Variants in PRSS57 observed in about 807,000 individuals in gnomAD.
PRSS57 encodes the protein serine protease 57, also known as neutrophil serine protease 4.
PRSS57 carries 19 observed loss-of-function variants against 20.6 expected under a neutral mutation model. That is an observed-to-expected ratio of 0.92 (90% CI 0.64 to 1.35). The LOEUF (loss-of-function observed/expected upper bound fraction) is 1.35, where lower values mean the gene tolerates loss of function less well. Ranked by LOEUF, PRSS57 falls within the 40% of genes most tolerant of loss-of-function variation. The pLI is 0.00. For missense variants in PRSS57, 440 were observed against 403.7 expected (o/e 1.09, Z -0.77); for synonymous variants, 203 against 176.6 (o/e 1.15, Z -1.19).
chr19:686,408 A>G (rs181124727), intron 4 of PRSS57, among the ~76,000 whole-genome samples: 2 of 152,070 alleles, frequency 1.3e-5, no homozygotes, highest in Admixed American at 1.3e-4. Context: ...GATACCATCA[A>G]CTGGATACTA....
intron 3 of PRSS57, among the ~76,000 whole-genome samples, chr19:691,368 G>A (rs1243244275): frequency 6.6e-6 from 1 of 151,520 alleles, no homozygotes; most frequent in Non-Finnish European, 1.5e-5. Context: ...AGCCAGGTCT[G>A]GTGGCGAGTG....
At chr19:690,928 C>T in intron 3 of PRSS57, 1 of 464,716 alleles carries the variant, frequency 2.2e-6, no homozygotes, top group South Asian at 1.8e-5. Context: ...CGTCTGGGCG[C>T]CTGTGCTCAA....
At chr19:695,226 G>C in intron 1 of PRSS57, 126 bp downstream of exon 1, 3 of 492,486 alleles carry the variant, frequency 6.1e-6, no homozygotes, top group Non-Finnish European at 9.8e-6. Context: ...AGGCAGCCAC[G>C]GGGGCTCGGC....
At chr19:689,903 A>G (rs1214370503) in intron 3 of PRSS57, among the ~76,000 whole-genome samples, 1 of 152,122 alleles carries the variant, frequency 6.6e-6, no homozygotes, top group Non-Finnish European at 1.5e-5. Flanking sequence ...AAATACAAAA[A>G]TTAGCCAGGT....
chr19:692,563 T>C (rs994499467), intron 2 of PRSS57, among the ~76,000 whole-genome samples: 2 of 150,888 alleles, frequency 1.3e-5, no homozygotes, highest in African/African-American at 4.9e-5. Flanking sequence ...ACTACAGGCG[T>C]GCGCCACCAC....
At position 691,951 on chromosome 19, in the gene PRSS57, C is replaced by G. The variant is rs149163441; in HGVS notation, c.285G>C (p.Ala95=). Residue 95 remains alanine (A), a synonymous_variant, in exon 3 of 5, where the codon GCG becomes GCC. Transcript: ENST00000329267. ...TGCCAAACACCTGCTGGGTGGGCTC[C>G]GCAGTACTCAGGACGTGGGCGCCCA... ...VVLGAHVLST[A]EPTQQVFGID... 172 of 1,331,896 alleles carry G rather than the reference C, an allele frequency of 1.3e-4. No homozygotes were observed. In the African/African-American group the frequency reaches 2.4e-3, roughly 19 times the overall value. The allele number at this position is 1,331,896 out of a possible 1,614,324, so 82.5% of individuals were successfully genotyped here. A position where few individuals can be genotyped will look rare whatever the true frequency, so the allele number is the denominator to read the frequency against.
intron 1 of PRSS57, 38 bp from the exon 2 acceptor site, chr19:695,005 AGGAAC>A (rs1308387216): frequency 1.3e-6 from 2 of 1,486,896 alleles, no homozygotes; most frequent in East Asian, 2.4e-5. Context: ...ACGAGGCGGG[AGGAAC>A]GGATGACGGG....
At chr19:694,776 C>T (rs1035411323) in intron 2 of PRSS57, 38 bp downstream of exon 2, 6 of 1,581,194 alleles carry the variant, frequency 3.8e-6, no homozygotes, top group South Asian at 2.3e-5. Context: ...TGTCGGGATA[C>T]GGTGTCCAGA....
In PRSS57 at chr19:693,229, C is replaced by CTTTTTTTTTTTTTTTTTTTTTTTT. The variant is rs1171032187; in HGVS notation, c.234-1228_234-1227insAAAAAAAAAAAAAAAAAAAAAAAA. On this transcript the variant is annotated intron_variant, in intron 2 of 4. Coordinates refer to ENST00000329267, the MANE Select transcript of PRSS57 (RefSeq NM_001308209.2). ...TACAGGCGTGAGCCACCGCACCCGG[C>CTTTTTTTTTTTTTTTTTTTTTTTT]CTTTTTTTTTTTTTTTTTTTTGAGA... Among the ~76,000 whole-genome samples the CTTTTTTTTTTTTTTTTTTTTTTTT allele has an allele frequency of 3.7e-5, 4 of 109,128 alleles. 2 individuals carry two copies. The highest frequency in any genetic ancestry group is 7.1e-5 in the African/African-American group (2 of 28,294). The allele number at this position is 109,128 out of a possible 152,430, so 71.6% of individuals were successfully genotyped here.
rs373212190 is a variant in PRSS57 at position 687,075 on chromosome 19, C to T, written c.492G>A (p.Val164=). The T allele has an allele frequency of 1.1e-5, 18 of 1,613,866 alleles. No homozygotes were observed. The African/African-American group carries it at 2.1e-4, about 19-fold the overall frequency. Reference sequence around the variant, plus strand: ...CAGGCGGCAGCTCCTCAAAGTCAGACACGAAGCCCCAGCCAGCCACCCGGC... The same window carrying T: ...CAGGCGGCAGCTCCTCAAAGTCAGATACGAAGCCCCAGCCAGCCACCCGGC... ...TRCRVAGWGF[V]SDFEELPPGL... The change falls in exon 4 of 5, where the codon GTG becomes GTA. Residue 164 remains valine (V), a synonymous_variant. Transcript: ENST00000329267.
Position 685,583 on chromosome 19 carries a change from G to T in PRSS57, c.*133C>A. ...TTTACTGGGTTTGCTTCTGCCCTTT[G>T]CATGTGGAATGGGTGTGCCCCACCG... is the stretch of plus-strand genomic sequence containing the variant. On this transcript the variant is annotated 3_prime_UTR_variant, in exon 5 of 5. Coordinates refer to ENST00000329267, the MANE Select transcript of PRSS57 (RefSeq NM_001308209.2). 2.4e-6 allele frequency: 2 copies of T among 828,754 alleles called. No homozygotes were observed. Among genetic ancestry groups the T allele is most frequent in the Non-Finnish European group, 3.7e-6 (2 of 546,998 alleles). The allele number at this position is 828,754 out of a possible 1,614,324, so 51.3% of individuals were successfully genotyped here.
At chr19:686,020 A>G in intron 4 of PRSS57, 98 bp from the exon 5 acceptor site, 1 of 1,070,364 alleles carries the variant, frequency 9.3e-7, no homozygotes, top group Non-Finnish European at 1.3e-6. Flanking sequence ...GTGGCTCCCT[A>G]CTGCTCTCCA....
At chr19:692,091 C>G (rs1027910226) in intron 2 of PRSS57, 89 bp from the exon 3 acceptor site, 1 of 1,214,108 alleles carries the variant, frequency 8.2e-7, no homozygotes, top group South Asian at 4.1e-5. Flanking sequence ...AGGCCCAGGC[C>G]GGGCACGGTG....
intron 2 of PRSS57, among the ~76,000 whole-genome samples, chr19:692,934 ATT>A (rs931588783): frequency 6.9e-6 from 1 of 145,958 alleles, no homozygotes; most frequent in Non-Finnish European, 1.5e-5. Context: ...TATTTCTTTA[ATT>A]TTTTTTTTTG....
chr19:689,222 G>GGGGCCGGAA (rs112475525), intron 3 of PRSS57, among the ~76,000 whole-genome samples: 6 of 77,120 alleles, frequency 7.8e-5, no homozygotes, highest in African/African-American at 2.5e-4. Context: ...AGGTGACGAC[G>GGGGCCGGAA]GGGTGGTCCA....
At chr19:693,617 G>A (rs1171783843) in intron 2 of PRSS57, among the ~76,000 whole-genome samples, 1 of 152,000 alleles carries the variant, frequency 6.6e-6, no homozygotes, top group Non-Finnish European at 1.5e-5. Context: ...CCCCTAGGCT[G>A]GAGTGCAGTG....
chr19:688,495 C>A (rs1460181063), intron 3 of PRSS57, among the ~76,000 whole-genome samples: 1 of 125,666 alleles, frequency 8.0e-6, no homozygotes, highest in African/African-American at 3.3e-5. Flanking sequence ...TGGGTAGAAG[C>A]GTCAGGGAAG....
Position 692,011 on chromosome 19 carries a change from A to C in PRSS57, c.234-9T>G. The C allele has an allele frequency of 7.6e-7, 1 of 1,313,060 alleles. No homozygotes were observed. Among genetic ancestry groups the C allele is most frequent in the African/African-American group, 1.5e-5 (1 of 66,358 alleles). 81.3% of individuals were successfully genotyped at this position (1,313,060 alleles called of 1,614,324 possible). ...GGCCAGTGCGGAGGTCTCTGCAGGG[A>C]GGAGGTGGTGGGTGAGACGGGGGTG... On this transcript the variant is annotated splice_polypyrimidine_tract_variant and intron_variant, in intron 2 of 4. Transcript: ENST00000329267.
intron 4 of PRSS57, among the ~76,000 whole-genome samples, chr19:686,126 G>A (rs887955652): frequency 1.3e-5 from 2 of 151,850 alleles, no homozygotes; most frequent in Non-Finnish European, 2.9e-5. Context: ...AGTGCTCCAC[G>A]GCCTTTGTAT....
Sources: allele counts gnomAD v4.1 joint callset (sites outside exome capture counted in the v4.1 genomes callset), GRCh38; gene constraint gnomAD v4.1.1; transcripts MANE v1.5; gene names NCBI Gene and HGNC (gene_info 2026-07-23, HGNC 2026-07-21).